The following NBAS variants were observed in gnomAD, a reference collection of about 807,000 sequenced individuals.
NBAS encodes NAG/BC035112 fusion.
In NBAS, 219 loss-of-function variants were observed where a neutral mutation model predicts 302.5. The ratio of observed to expected loss-of-function variants is 0.72; its 90% CI spans 0.65 to 0.81. NBAS has a LOEUF of 0.81. Ranked by LOEUF, NBAS falls within the 30% of genes least tolerant of loss-of-function variation. The probability of loss-of-function intolerance (pLI) is 0.00; values close to 1 mark genes in which losing one functional copy is unlikely to be tolerated. For synonymous variants in NBAS, 1,118 were observed against 1,021.6 expected, an observed-to-expected ratio of 1.09 and a Z score of -1.80; for missense variants, 2,932 against 2,841.6, an observed-to-expected ratio of 1.03 and a Z score of -0.72.
At chr2:15,473,387 G>C (rs769547204) in intron 15 of NBAS, 40 bp from the exon 16 acceptor site, 1 of 1,609,326 alleles carries the variant, frequency 6.2e-7, no homozygotes. Context: ...TTACATGACT[G>C]AATTATCCAC....
the NBAS span, among the ~76,000 whole-genome samples, chr2:15,002,896 C>T: frequency 6.6e-6 from 1 of 152,252 alleles, no homozygotes; most frequent in African/African-American, 2.4e-5. Context: ...CGCGCAGCCC[C>T]TGTTCCCGCT....
At chr2:14,917,045 A>C in the NBAS span, among the ~76,000 whole-genome samples, 1 of 152,186 alleles carries the variant, frequency 6.6e-6, no homozygotes, top group Non-Finnish European at 1.5e-5. Flanking sequence ...TTTTACCTAC[A>C]TGGAAAGGGT....
chr2:15,300,663 T>C (rs1670755698), intron 40 of NBAS, among the ~76,000 whole-genome samples: 1 of 152,158 alleles, frequency 6.6e-6, no homozygotes, highest in Admixed American at 6.5e-5. Flanking sequence ...GTGGGCTAGG[T>C]CTGGTGATAC....
chr2:15,389,244 A>C (rs6705287), intron 28 of NBAS, among the ~76,000 whole-genome samples: 97,064 of 152,008 alleles, frequency 0.64, 31,731 homozygotes, highest in Middle Eastern at 0.69. Flanking sequence ...GTGGAAAACC[A>C]GCTTATGTAA....
the NBAS span, among the ~76,000 whole-genome samples, chr2:14,882,472 C>T: frequency 6.6e-6 from 1 of 152,128 alleles, no homozygotes; most frequent in Non-Finnish European, 1.5e-5. Context: ...CCATGCATGC[C>T]TCCTTTTCTA....
chr2:15,277,045 A>G lies in NBAS; in HGVS notation c.5195T>C (p.Leu1732Ser), dbSNP rs778249977. Residue 1732 changes from leucine (L) to serine (S), a missense_variant, in exon 43 of 52, where the codon TTG becomes TCG. Leu to Ser is a moderately radical substitution (Grantham distance 145). Transcript: ENST00000281513. ...GTGAAAGGCTTCTGGATCAGTCTTC[A>G]AAGTCTCAAAGAGATGAAGGTCTTG... ...RAQDLHLFET[L>S]KTDPEAFHQH... 28 of 1,613,686 alleles carry G rather than the reference A, an allele frequency of 1.7e-5. No individual in the cohort carries two copies. The highest frequency in any genetic ancestry group is 3.3e-4 in the Middle Eastern group (2 of 6,080).
At chr2:15,085,485 C>A in the NBAS span, among the ~76,000 whole-genome samples, 5 of 152,196 alleles carry the variant, frequency 3.3e-5, 1 homozygote, top group South Asian at 8.3e-4. Flanking sequence ...GAGCTCATGG[C>A]GGTATCACCC....
At chr2:14,951,499 C>T in the NBAS span, among the ~76,000 whole-genome samples, 2 of 152,242 alleles carry the variant, frequency 1.3e-5, no homozygotes, top group East Asian at 1.9e-4. Context: ...GGCATTGGCA[C>T]GAGGAGACAA....
chr2:15,219,446 G>A (rs1666824539), intron 47 of NBAS, among the ~76,000 whole-genome samples: 1 of 142,032 alleles, frequency 7.0e-6, no homozygotes, highest in South Asian at 2.4e-4. Context: ...AAGGTCTCTG[G>A]TTTTCCTAGG....
At chr2:15,352,952 T>G (rs1440197100) in intron 34 of NBAS, among the ~76,000 whole-genome samples, 1 of 152,084 alleles carries the variant, frequency 6.6e-6, no homozygotes, top group Non-Finnish European at 1.5e-5. Flanking sequence ...CGCCTGACTT[T>G]CCTGGTGGGG....
chr2:15,305,485 T>C (rs1670992365), intron 40 of NBAS, among the ~76,000 whole-genome samples: 1 of 144,532 alleles, frequency 6.9e-6, no homozygotes, highest in Non-Finnish European at 1.5e-5. Flanking sequence ...GGAATTTCAC[T>C]CTTGTTGCCC....
intron 21 of NBAS, among the ~76,000 whole-genome samples, chr2:15,436,652 A>T (rs1558335932): frequency 6.6e-6 from 1 of 152,226 alleles, no homozygotes; most frequent in Non-Finnish European, 1.5e-5. Flanking sequence ...TGTGTCAGTC[A>T]ATGCGGTGTT....
the NBAS span, among the ~76,000 whole-genome samples, chr2:15,120,906 G>T: frequency 1.3e-5 from 2 of 152,198 alleles, no homozygotes. Flanking sequence ...GACGGCAGGG[G>T]TTTCTTTCTG....
At chr2:14,849,266 C>A in the NBAS span, among the ~76,000 whole-genome samples, 1 of 152,026 alleles carries the variant, frequency 6.6e-6, no homozygotes, top group East Asian at 1.9e-4. Context: ...GGCTCGAGAA[C>A]TACGTGAAGA....
the NBAS span, among the ~76,000 whole-genome samples, chr2:14,890,280 T>A: frequency 6.6e-6 from 1 of 152,204 alleles, no homozygotes; most frequent in African/African-American, 2.4e-5. Flanking sequence ...GAAAGAGTTT[T>A]AGCTAAGGAA....
chr2:14,912,425 TACTA>T, the NBAS span, among the ~76,000 whole-genome samples: 2 of 152,130 alleles, frequency 1.3e-5, no homozygotes, highest in Non-Finnish European at 2.9e-5. Flanking sequence ...CACCTCAAAG[TACTA>T]ACTATTCCAG....
At chr2:15,213,672 T>C (rs1238775545) in intron 48 of NBAS, among the ~76,000 whole-genome samples, 1 of 152,136 alleles carries the variant, frequency 6.6e-6, no homozygotes, top group Non-Finnish European at 1.5e-5. Flanking sequence ...ACAGAGAGGA[T>C]GGTAACCACT....
intron 19 of NBAS, among the ~76,000 whole-genome samples, chr2:15,462,890 T>C (rs1396168022): frequency 1.3e-5 from 2 of 152,108 alleles, no homozygotes; most frequent in Non-Finnish European, 2.9e-5. Context: ...GGAACCTGCA[T>C]CTGAAAAGTA....
At chr2:14,792,479 G>C in the NBAS span, among the ~76,000 whole-genome samples, 1 of 152,060 alleles carries the variant, frequency 6.6e-6, no homozygotes, top group South Asian at 2.1e-4. Context: ...TTGGGAGGGA[G>C]TATCATATTA....
Sources: allele counts gnomAD v4.1 joint callset (sites outside exome capture counted in the v4.1 genomes callset), GRCh38; gene constraint gnomAD v4.1.1; transcripts MANE v1.5; gene names NCBI Gene and HGNC (gene_info 2026-07-23, HGNC 2026-07-21).